The following CRYAB variants were observed in gnomAD, a reference collection of about 807,000 sequenced individuals.
CRYAB encodes alpha-crystallin B chain.
In CRYAB, 9 loss-of-function variants were observed where a neutral mutation model predicts 12.7. The ratio of observed to expected loss-of-function variants is 0.71; its 90% CI spans 0.43 to 1.24. The LOEUF (loss-of-function observed/expected upper bound fraction) is 1.24, where lower values mean the gene tolerates loss of function less well. CRYAB is among the 50% of genes most tolerant of loss of function. CRYAB has a pLI of 0.00. For missense variants in CRYAB, 183 were observed against 226.6 expected (o/e 0.81, Z 1.24); for synonymous variants, 93 against 86.8 (o/e 1.07, Z -0.40).
At chr11:111,914,103 A>G (rs117765764), upstream of CRYAB, 4,305 of 567,702 alleles carry the variant, frequency 7.6e-3, 23 homozygotes, top group Middle Eastern at 0.024. Context: ...CCTTGTTTGT[A>G]CTGCTCCCTA....
chr11:111,910,283 T>C, intron 2 of CRYAB, 44 bp downstream of exon 2: 4 of 1,612,932 alleles, frequency 2.5e-6, no homozygotes, highest in Non-Finnish European at 3.4e-6. Context: ...TATTACAGTA[T>C]GCACTGAATG....
intron 1 of CRYAB, among the ~76,000 whole-genome samples, chr11:111,919,442 C>A (rs1965652837): frequency 1.3e-5 from 2 of 152,190 alleles, no homozygotes; most frequent in South Asian, 4.2e-4. Context: ...CACTGCACTC[C>A]AGCCTGGCAA....
At chr11:111,915,890 G>A (rs1450536784), upstream of CRYAB, among the ~76,000 whole-genome samples, 1 of 152,186 alleles carries the variant, frequency 6.6e-6, no homozygotes, top group East Asian at 1.9e-4. Context: ...CTACAGGTGT[G>A]TGCCACCACG....
chr11:111,912,157 T>A (rs1401531438), upstream of CRYAB: 1 of 231,348 alleles, frequency 4.3e-6, no homozygotes, highest in Non-Finnish European at 8.6e-6. Context: ...GGCCAGCAAC[T>A]ATCTTGGGCC....
chr11:111,921,838 A>T (rs1010602923), intron 1 of CRYAB, among the ~76,000 whole-genome samples: 46 of 148,176 alleles, frequency 3.1e-4, no homozygotes, highest in Middle Eastern at 3.5e-3. Context: ...TATCATACTC[A>T]TTTTTTTTTT....
At chr11:111,911,333 G>A (rs1965445977) in intron 1 of CRYAB, among the ~76,000 whole-genome samples, 191 bp downstream of exon 1, 1 of 152,164 alleles carries the variant, frequency 6.6e-6, no homozygotes. Context: ...TGTAATAAAT[G>A]GGATACAGAG....
At chr11:111,913,825 T>G (rs782315130), upstream of CRYAB, 24 of 1,614,028 alleles carry the variant, frequency 1.5e-5, 1 homozygote, top group South Asian at 2.6e-4. Context: ...GTCAATGAGG[T>G]CTACATCTCC....
upstream of CRYAB, chr11:111,913,515 G>A (rs1462346191): frequency 6.2e-7 from 1 of 1,614,010 alleles, no homozygotes. Context: ...CGCCCCAGCT[G>A]GGGAGGGCAG....
upstream of CRYAB, chr11:111,913,975 GCAGCATCCTTGGGGGAAGGGA>G: frequency 8.0e-7 from 1 of 1,245,328 alleles, no homozygotes; most frequent in South Asian, 1.4e-5. Context: ...TCCAGAGGTA[GCAGCATCCTTGGGGGAAGGGA>G]AAGGTGCATG....
At chr11:111,913,426 C>G, upstream of CRYAB, 1 of 1,588,838 alleles carries the variant, frequency 6.3e-7, no homozygotes. Context: ...CTCTTGCCTT[C>G]TCTCTGCCCT....
chr11:111,919,026 A>G, intron 1 of CRYAB: 2 of 1,613,998 alleles, frequency 1.2e-6, no homozygotes, highest in Non-Finnish European at 1.7e-6. Flanking sequence ...GGAAGGGCAA[A>G]GGGGAACATC....
At chr11:111,911,201 G>A (rs543762429) in intron 1 of CRYAB, among the ~76,000 whole-genome samples, 2 of 152,330 alleles carry the variant, frequency 1.3e-5, no homozygotes, top group Admixed American at 6.5e-5. Context: ...GGTGTTGGAA[G>A]AGATAAGCAA....
intron 1 of CRYAB, among the ~76,000 whole-genome samples, chr11:111,920,396 G>A (rs1965672395): frequency 6.6e-6 from 1 of 151,882 alleles, no homozygotes; most frequent in African/African-American, 2.4e-5. Flanking sequence ...AAATTAGCCA[G>A]GCATGGTGGC....
upstream of CRYAB, chr11:111,912,309 T>A (rs1965491881): frequency 5.3e-6 from 1 of 189,468 alleles, no homozygotes; most frequent in East Asian, 1.4e-4. Context: ...TAGGAGAGGA[T>A]CCCACATCTG....
chr11:111,914,119 T>G, upstream of CRYAB: 45 of 454,056 alleles, frequency 9.9e-5, no homozygotes, highest in East Asian at 1.5e-4. Flanking sequence ...CCCTATTCTG[T>G]GGCCGGGAAG....
chr11:111,912,059 C>T (rs1965480011), upstream of CRYAB: 9 of 286,242 alleles, frequency 3.1e-5, no homozygotes, highest in South Asian at 4.4e-4. Context: ...TCAGGAATCC[C>T]AAGCAGGCAC....
At chr11:111,919,806 A>C (rs1300937037) in intron 1 of CRYAB, among the ~76,000 whole-genome samples, 3 of 152,182 alleles carry the variant, frequency 2.0e-5, no homozygotes, top group Non-Finnish European at 4.4e-5. Flanking sequence ...CAAGATTCCA[A>C]CTGAGGCCCA....
upstream of CRYAB, chr11:111,913,727 C>T (rs782303314): frequency 6.2e-6 from 10 of 1,613,996 alleles, no homozygotes; most frequent in African/African-American, 1.1e-4. Flanking sequence ...CTGCTGATGT[C>T]GACCCCTGGC....
upstream of CRYAB, chr11:111,914,063 G>A: frequency 1.5e-6 from 1 of 673,270 alleles, no homozygotes; most frequent in Non-Finnish European, 2.5e-6. Flanking sequence ...TTTAGTTTTG[G>A]GTGGAGCTGA....
Sources: gnomAD v4.1 joint callset for allele counts (sites outside exome capture counted in the v4.1 genomes callset) on GRCh38, gnomAD v4.1.1 for gene constraint, MANE v1.5 for transcripts, NCBI Gene and HGNC (gene_info 2026-07-23, HGNC 2026-07-21) for gene names.